The following APOO variants were observed in gnomAD, a reference collection of about 807,000 sequenced individuals.
APOO encodes the protein apolipoprotein O.
A neutral mutation model predicts 23.1 loss-of-function variants in APOO; 11 were observed. The ratio of observed to expected loss-of-function variants is 0.48; its 90% confidence interval spans 0.30 to 0.79. The LOEUF (loss-of-function observed/expected upper bound fraction) is 0.79. Among genes scored for constraint, APOO ranks in the 30% least tolerant of loss-of-function variants. The pLI is 0.07. For synonymous variants in APOO, 59 were observed against 54.8 expected (o/e 1.08, Z -0.34); for missense variants, 160 against 142.7 (o/e 1.12, Z -0.62).
chrX:23,889,600 T>C (rs1388131596), intron 1 of APOO, among the ~76,000 whole-genome samples: 1 of 109,200 alleles, frequency 9.2e-6, no homozygotes, highest in East Asian at 2.9e-4. Flanking sequence ...AGCTTCATGA[T>C]AGAAGGCTTT....
intron 4 of APOO, among the ~76,000 whole-genome samples, chrX:23,872,129 C>T (rs749187695): frequency 5.4e-5 from 6 of 111,458 alleles, no homozygotes; most frequent in Middle Eastern, 9.2e-3. Flanking sequence ...AGAGGGACAC[C>T]CAGATGGCTC....
chrX:23,839,118 T>TG (rs149447042), intron 8 of APOO, among the ~76,000 whole-genome samples: 110 of 112,316 alleles, frequency 9.8e-4, no homozygotes, highest in African/African-American at 3.3e-3. Context: ...ATACTGATTC[T>TG]GGGGTGCCCT....
rs188371512 is a variant in APOO, at chrX:23,905,344, C to T, written c.9+2350G>A. 2.0e-3 allele frequency among the ~76,000 whole-genome samples: 225 copies of T among 109,884 alleles called. 1 individual carries two copies. The highest frequency in any genetic ancestry group is 3.5e-3 in the Non-Finnish European group (186 of 52,666). ...GGCGGAGGCTGCAGTGAGCCAAGATCGCACCACTGCACTCCAGCCCGGACA... is the reference window on the plus strand; with the variant it reads ...GGCGGAGGCTGCAGTGAGCCAAGATTGCACCACTGCACTCCAGCCCGGACA... On this transcript the variant is annotated intron_variant, in intron 1 of 8. Coordinates refer to ENST00000379226, the MANE Select transcript of APOO (RefSeq NM_024122.5).
intron 4 of APOO, among the ~76,000 whole-genome samples, chrX:23,871,103 C>T (rs192902741): frequency 2.0e-5 from 2 of 99,756 alleles, no homozygotes; most frequent in East Asian, 6.3e-4. Context: ...AACAAAAAAA[C>T]AAAAAAACAA....
intron 1 of APOO, among the ~76,000 whole-genome samples, chrX:23,886,800 C>A (rs1271013970): frequency 8.9e-6 from 1 of 111,937 alleles, no homozygotes; most frequent in Non-Finnish European, 1.9e-5. Flanking sequence ...GATGTCATCA[C>A]AAATGGCCAT....
At position 23,889,223 on chromosome X, in the gene APOO, C is replaced by G. The variant is rs997332240; in HGVS notation, c.10-8271G>C. On this transcript the variant is annotated intron_variant, in intron 1 of 8. Coordinates refer to ENST00000379226, the MANE Select transcript of APOO (RefSeq NM_024122.5). ...AGGTAGATTCTTAGACACAGTTTAC[C>G]AAGACATGAATCTGGTAAGGTCGTA... 4.5e-5 allele frequency among the ~76,000 whole-genome samples: 5 copies of G among 111,469 alleles called. No homozygotes were observed. In the Admixed American group the frequency reaches 4.8e-4, roughly 11 times the overall value.
At chrX:23,858,233 A>G (rs778032674) in intron 6 of APOO, among the ~76,000 whole-genome samples, 1 of 111,330 alleles carries the variant, frequency 9.0e-6, no homozygotes, top group Non-Finnish European at 1.9e-5. Flanking sequence ...GGGCACCAGT[A>G]CTAGGGAGGA....
intron 1 of APOO, among the ~76,000 whole-genome samples, chrX:23,896,710 C>T (rs1199104692): frequency 4.5e-5 from 5 of 111,006 alleles, no homozygotes; most frequent in Non-Finnish European, 9.4e-5. Context: ...ACAATCATAG[C>T]TCACTGTGGC....
chrX:23,869,813 G>A (rs757682477), intron 4 of APOO, among the ~76,000 whole-genome samples: 2 of 107,980 alleles, frequency 1.9e-5, no homozygotes, highest in Non-Finnish European at 3.8e-5. Context: ...TTAGCTGGGC[G>A]TGGTGGCACG....
intron 2 of APOO, among the ~76,000 whole-genome samples, chrX:23,879,732 G>A (rs1029911631): frequency 2.7e-5 from 3 of 112,019 alleles, no homozygotes; most frequent in Non-Finnish European, 5.6e-5. Context: ...AGTAACCAAA[G>A]GGCATGTCAT....
At chrX:23,851,344 C>T (rs1260610999) in intron 7 of APOO, among the ~76,000 whole-genome samples, 2 of 111,170 alleles carry the variant, frequency 1.8e-5, no homozygotes, top group African/African-American at 6.5e-5. Flanking sequence ...AGGCACCTGC[C>T]ACCATGCCTG....
chrX:23,857,777 T>C (rs1924842946), intron 6 of APOO, among the ~76,000 whole-genome samples: 1 of 111,351 alleles, frequency 9.0e-6, no homozygotes, highest in South Asian at 3.8e-4. Context: ...CTAGAGCCTG[T>C]CTTGTTCTTA....
At chrX:23,834,728 ATT>A (rs201063083) in intron 8 of APOO, among the ~76,000 whole-genome samples, 14 of 100,789 alleles carry the variant, frequency 1.4e-4, no homozygotes, top group African/African-American at 1.4e-4. Flanking sequence ...CTTTTTTCAT[ATT>A]TTTTTTTTTT....
chrX:23,905,322 G>A (rs1436950980), intron 1 of APOO, among the ~76,000 whole-genome samples: 5 of 109,782 alleles, frequency 4.6e-5, no homozygotes, highest in Non-Finnish European at 9.5e-5. Context: ...CCCAGGAGGC[G>A]GAGGCTGCAG....
intron 1 of APOO, among the ~76,000 whole-genome samples, chrX:23,893,130 G>T (rs1005590507): frequency 6.4e-5 from 7 of 109,782 alleles, no homozygotes; most frequent in Non-Finnish European, 1.3e-4. Flanking sequence ...GAAAAATCAA[G>T]AGAAAGGCCG....
intron 4 of APOO, among the ~76,000 whole-genome samples, chrX:23,869,037 T>A (rs1346867774): frequency 9.2e-6 from 1 of 108,912 alleles, no homozygotes; most frequent in African/African-American, 3.3e-5. Context: ...GCCTCCCAAG[T>A]AGCTGGGATT....
intron 8 of APOO, among the ~76,000 whole-genome samples, chrX:23,834,278 C>G (rs1042008482): frequency 7.4e-5 from 8 of 107,480 alleles, no homozygotes; most frequent in African/African-American, 2.7e-4. Context: ...CGCCTGTAAT[C>G]CCAGCTAATC....
At chrX:23,870,852 A>G (rs1925578365) in intron 4 of APOO, among the ~76,000 whole-genome samples, 1 of 110,989 alleles carries the variant, frequency 9.0e-6, no homozygotes, top group Non-Finnish European at 1.9e-5. Flanking sequence ...GCACTTTGGG[A>G]GGCCGATGCA....
At chrX:23,907,193 G>A (rs1163736986) in intron 1 of APOO, among the ~76,000 whole-genome samples, 4 of 110,830 alleles carry the variant, frequency 3.6e-5, no homozygotes, top group Middle Eastern at 4.2e-3. Context: ...GTTCCCTGAG[G>A]AGTGGAGCAA....
Sources: gnomAD v4.1 joint callset for allele counts (sites outside exome capture counted in the v4.1 genomes callset) on GRCh38, gnomAD v4.1.1 for gene constraint, MANE v1.5 for transcripts, NCBI Gene and HGNC (gene_info 2026-07-23, HGNC 2026-07-21) for gene names.